The following SMARCC1 variants were observed in gnomAD, a reference collection of about 807,000 sequenced individuals.
SMARCC1 encodes the protein SWI/SNF related BAF chromatin remodeling complex subunit C1.
SMARCC1 carries 43 observed loss-of-function variants against 147.4 expected under a neutral mutation model. The ratio of observed to expected loss-of-function variants is 0.29; its 90% CI spans 0.23 to 0.38. The LOEUF (loss-of-function observed/expected upper bound fraction) is 0.38, where lower values mean the gene tolerates loss of function less well. Ranked by LOEUF, SMARCC1 falls within the 10% of genes least tolerant of loss-of-function variation. SMARCC1 has a pLI of 1.00. For synonymous variants in SMARCC1, 495 were observed against 484.4 expected (o/e 1.02, Z -0.29); for missense variants, 1,119 against 1,381.1 (o/e 0.81, Z 3.01).
chr3:47,611,223 ACTT>A (rs1461341926), intron 25 of SMARCC1, among the ~76,000 whole-genome samples: 3 of 152,220 alleles, frequency 2.0e-5, no homozygotes, highest in Non-Finnish European at 4.4e-5. Context: ...TAATAAACCC[ACTT>A]CTTTTCAATA....
intron 27 of SMARCC1, 106 bp from the exon 28 acceptor site, chr3:47,588,412 G>A: frequency 1.1e-6 from 1 of 945,058 alleles, no homozygotes; most frequent in Non-Finnish European, 1.7e-6. Context: ...CTTAGTGGCA[G>A]GCAACCAATG....
At chr3:47,706,996 C>A (rs1282652461) in intron 9 of SMARCC1, among the ~76,000 whole-genome samples, 1 of 152,146 alleles carries the variant, frequency 6.6e-6, no homozygotes, top group Non-Finnish European at 1.5e-5. Context: ...AAATGTTAAG[C>A]AAGATGGCAA....
At chr3:47,642,137 A>T (rs1335682053) in intron 21 of SMARCC1, among the ~76,000 whole-genome samples, 1 of 152,204 alleles carries the variant, frequency 6.6e-6, no homozygotes, top group Non-Finnish European at 1.5e-5. Context: ...CAAAAAAAAG[A>T]AGAAAGAAGT....
At chr3:47,598,679 AATC>A (rs1356217081) in intron 26 of SMARCC1, among the ~76,000 whole-genome samples, 1 of 151,828 alleles carries the variant, frequency 6.6e-6, no homozygotes, top group Non-Finnish European at 1.5e-5. Context: ...AAAATATAAA[AATC>A]AGCTGTGTGT....
intron 22 of SMARCC1, 29 bp from the exon 23 acceptor site, chr3:47,636,165 G>T: frequency 7.8e-7 from 1 of 1,274,918 alleles, no homozygotes. Context: ...AAGAGGACAG[G>T]CAGTGAACAA....
At chr3:47,758,020 G>A (rs1194751601) in intron 2 of SMARCC1, among the ~76,000 whole-genome samples, 1 of 152,012 alleles carries the variant, frequency 6.6e-6, no homozygotes, top group Non-Finnish European at 1.5e-5. Flanking sequence ...ATAGCTCTAA[G>A]CTGCAAATTA....
At chr3:47,699,086 C>T (rs959253846) in intron 11 of SMARCC1, among the ~76,000 whole-genome samples, 3 of 151,804 alleles carry the variant, frequency 2.0e-5, no homozygotes, top group Non-Finnish European at 2.9e-5. Context: ...AAGCTTTCTA[C>T]AAGAAAACAC....
chr3:47,706,395 G>C lies in SMARCC1; in HGVS notation c.1040+14C>G. ...CCTGTTTTAATGCCCTTTGAATCAT[G>C]TAATAGTTCTTACCCTTTCTTCCCA... On this transcript the variant is annotated intron_variant, in intron 10 of 27. Transcript: ENST00000254480. 6.5e-7 allele frequency: 1 copy of C among 1,538,712 alleles called. No homozygotes were observed. The highest frequency in any genetic ancestry group is 1.4e-5 in the African/African-American group (1 of 70,562).
chr3:47,636,779 A>AATAT (rs548964082), intron 22 of SMARCC1, among the ~76,000 whole-genome samples: 1 of 80,936 alleles, frequency 1.2e-5, no homozygotes, highest in African/African-American at 4.6e-5. Flanking sequence ...ACCACAACAA[A>AATAT]ATATATATAT....
intron 11 of SMARCC1, among the ~76,000 whole-genome samples, chr3:47,698,477 GA>G (rs1394290020): frequency 1.3e-5 from 2 of 151,888 alleles, no homozygotes; most frequent in African/African-American, 2.4e-5. Flanking sequence ...AAAATCCTAA[GA>G]AATCTACAAA....
At chr3:47,713,003 A>G (rs1424607572) in intron 8 of SMARCC1, among the ~76,000 whole-genome samples, 1 of 152,254 alleles carries the variant, frequency 6.6e-6, no homozygotes, top group East Asian at 1.9e-4. Context: ...TAATTTCAAC[A>G]TTTAATTTCC....
chr3:47,622,319 C>T lies in SMARCC1; in HGVS notation c.2669G>A (p.Arg890Lys). ...KAKHLAAVEERKIKSLVALLV... is the reference protein window; with the variant it reads ...KAKHLAAVEEKKIKSLVALLV... ...GAGAGCTACCAGGGACTTGATCTTT[C>T]TTTCTTCCACTGCAGCCAGGTGCTA... is the stretch of plus-strand genomic sequence containing the variant. Residue 890 changes from arginine (R) to lysine (K), a missense_variant, in exon 25 of 28, where the codon AGA becomes AAA. This residue lies in a region of SMARCC1 where 42 missense variants were observed against 89.4 expected (regional missense o/e 0.47). Coordinates refer to ENST00000254480, the MANE Select transcript of SMARCC1 (RefSeq NM_003074.4). The T allele has an allele frequency of 6.2e-7, 1 of 1,613,664 alleles. No individual in the cohort carries two copies. Among genetic ancestry groups the T allele is most frequent in the Non-Finnish European group, 8.5e-7 (1 of 1,179,836 alleles).
Position 47,607,045 on chromosome 3 carries a change from C to A in SMARCC1, c.3043+3021G>T, listed in dbSNP as rs11925724. On this transcript the variant is annotated intron_variant, in intron 26 of 27. Transcript: ENST00000254480. ...ATTTAATTTTTAAATAACTATTGTTCTTGAAAAATTACTTTGAGATGTGAA... is the reference window on the plus strand; with the variant it reads ...ATTTAATTTTTAAATAACTATTGTTATTGAAAAATTACTTTGAGATGTGAA... Among the ~76,000 whole-genome samples the A allele has an allele frequency of 6.8e-3, 1,034 of 152,128 alleles. 16 individuals are homozygous for A. Among genetic ancestry groups the A allele is most frequent in the African/African-American group, 0.023 (965 of 41,498 alleles).
intron 21 of SMARCC1, among the ~76,000 whole-genome samples, chr3:47,647,699 C>T (rs1576398156): frequency 6.6e-6 from 1 of 152,290 alleles, no homozygotes; most frequent in South Asian, 2.1e-4. Flanking sequence ...TGGCAGGAAC[C>T]CAGTCAATAC....
intron 6 of SMARCC1, among the ~76,000 whole-genome samples, chr3:47,723,993 A>T (rs572097863): frequency 6.6e-6 from 1 of 152,368 alleles, no homozygotes; most frequent in South Asian, 2.1e-4. Context: ...GATGACCATT[A>T]TAACAAAACA....
chr3:47,689,237 T>C (rs374265294), intron 13 of SMARCC1, 150 bp downstream of exon 13: 13 of 627,564 alleles, frequency 2.1e-5, no homozygotes, highest in East Asian at 1.1e-4. Flanking sequence ...TTGTTTTCCT[T>C]AGGGGAAAAA....
intron 6 of SMARCC1, among the ~76,000 whole-genome samples, chr3:47,726,783 T>C (rs540245673): frequency 5.9e-5 from 9 of 152,380 alleles, no homozygotes; most frequent in Admixed American, 5.2e-4. Flanking sequence ...TAGTCTCTGA[T>C]AACAACCATG....
intron 21 of SMARCC1, among the ~76,000 whole-genome samples, chr3:47,657,313 A>G (rs180894284): frequency 6.6e-6 from 1 of 152,326 alleles, no homozygotes; most frequent in East Asian, 1.9e-4. Flanking sequence ...AATAGACCAC[A>G]TGTTAGGCAA....
chr3:47,661,438 G>A lies in SMARCC1; in HGVS notation c.2176C>T (p.Arg726Trp), dbSNP rs757920421. 8.7e-6 allele frequency: 14 copies of A among 1,603,866 alleles called. No individual in the cohort carries two copies. The highest frequency in any genetic ancestry group is 1.1e-5 in the South Asian group (1 of 89,216). Residue 726 changes from arginine (R) to tryptophan (W), a missense_variant, in exon 21 of 28, where the codon CGG becomes TGG. Arg to Trp is a moderately radical substitution (Grantham distance 101). Around this residue, in one of 6 missense-constraint regions of SMARCC1, gnomAD observed 178 missense variants for 264.6 expected, o/e 0.67. Coordinates refer to ENST00000254480, the MANE Select transcript of SMARCC1 (RefSeq NM_003074.4). ...ACCAATTCCAGTGGTACCTCCTCCC[G>A]GACCCGAGAAAACTCCTCTGGTTCA... is the stretch of plus-strand genomic sequence containing the variant. The part of the protein sequence containing the change: ...KAALEEFSRV[R>W]EEVPLELVEA...
Sources: allele counts gnomAD v4.1 joint callset (sites outside exome capture counted in the v4.1 genomes callset), GRCh38; gene constraint gnomAD v4.1.1; regional missense constraint gnomAD v4.1.1; transcripts MANE v1.5; gene names NCBI Gene and HGNC (gene_info 2026-07-23, HGNC 2026-07-21).